The following SYT14 variants were observed in gnomAD, a reference collection of about 807,000 sequenced individuals.
SYT14 encodes synaptotagmin 14.
In SYT14, 32 loss-of-function variants were observed where a neutral mutation model predicts 74.2. That is an observed-to-expected ratio of 0.43 (90% CI 0.33 to 0.58). The LOEUF (loss-of-function observed/expected upper bound fraction) is 0.58, where lower values mean the gene tolerates loss of function less well. Ranked by LOEUF, SYT14 falls within the 20% of genes least tolerant of loss-of-function variation. The pLI is 0.05. For missense variants in SYT14, 791 were observed against 981.8 expected (o/e 0.81, Z 2.60); for synonymous variants, 298 against 337.7 (o/e 0.88, Z 1.29).
chr1:209,974,402 A>AG (rs1457514618), intron 2 of SYT14, among the ~76,000 whole-genome samples: 1 of 152,204 alleles, frequency 6.6e-6, no homozygotes, highest in African/African-American at 2.4e-5. Flanking sequence ...GGTGTAAGGA[A>AG]GGGATCCAGT....
chr1:210,029,246 C>T (rs1414417393), intron 5 of SYT14, among the ~76,000 whole-genome samples: 1 of 150,462 alleles, frequency 6.6e-6, no homozygotes, highest in Non-Finnish European at 1.5e-5. Context: ...TTGATAGTAT[C>T]TTTTGATAGA....
chr1:210,069,659 A>G (rs754786092), intron 5 of SYT14, among the ~76,000 whole-genome samples: 1 of 151,792 alleles, frequency 6.6e-6, no homozygotes, highest in Non-Finnish European at 1.5e-5. Context: ...TTAATATTCA[A>G]CCTTTATTCT....
At chr1:210,014,442 G>A (rs1274298915) in intron 3 of SYT14, among the ~76,000 whole-genome samples, 2 of 146,488 alleles carry the variant, frequency 1.4e-5, no homozygotes, top group African/African-American at 5.0e-5. Flanking sequence ...ATTACTACAA[G>A]AGTTTTAAAA....
At chr1:209,986,107 G>A (rs763666177) in intron 2 of SYT14, among the ~76,000 whole-genome samples, 1 of 152,200 alleles carries the variant, frequency 6.6e-6, no homozygotes, top group East Asian at 1.9e-4. Flanking sequence ...GGAAGTGGTT[G>A]CTCCGCAGCC....
At position 209,985,949 on chromosome 1, in the gene SYT14, G is replaced by T. The variant is rs113868160; in HGVS notation, c.-485-27684G>T. Among the ~76,000 whole-genome samples, 861 of 152,260 alleles carry T rather than the reference G, an allele frequency of 5.7e-3. 6 individuals are homozygous for T. Among genetic ancestry groups the T allele is most frequent in the African/African-American group, 0.02 (825 of 41,558 alleles). On this transcript the variant is annotated intron_variant, in intron 2 of 9. Transcript: ENST00000637265. ...TTCCCAAGGCTGTGCAGGGCAGCAGGACCCTAGGCCTGGCCCACAAAACCA... is the reference window on the plus strand; with the variant it reads ...TTCCCAAGGCTGTGCAGGGCAGCAGTACCCTAGGCCTGGCCCACAAAACCA...
At chr1:210,169,101 C>T (rs912107576) in exon 10 of SYT14, 1 of 151,858 alleles carries the variant, frequency 6.6e-6, no homozygotes, top group African/African-American at 2.4e-5. Flanking sequence ...CTTTTAAAAA[C>T]CTGGTTTTTA....
intron 1 of SYT14, among the ~76,000 whole-genome samples, chr1:209,944,251 G>T (rs2078785085): frequency 6.6e-6 from 1 of 152,162 alleles, no homozygotes. Flanking sequence ...AGAATTTTTT[G>T]TGAGCACATA....
intron 1 of SYT14, among the ~76,000 whole-genome samples, chr1:209,948,625 A>G (rs934067553): frequency 2.0e-5 from 3 of 152,210 alleles, no homozygotes; most frequent in Non-Finnish European, 2.9e-5. Flanking sequence ...CAATTTCGTA[A>G]CTTTCATAAA....
At chr1:210,141,092 C>T (rs936728330) in intron 7 of SYT14, among the ~76,000 whole-genome samples, 6 of 150,326 alleles carry the variant, frequency 4.0e-5, no homozygotes, top group Admixed American at 1.3e-4. Context: ...TGATAGGGAT[C>T]GCATCAAATC....
rs17015600 is a variant in SYT14 at position 210,117,000 on chromosome 1, C to T, written c.2034+16539C>T. ...GCATCTCAGGGTATTTAAATAGGAA[C>T]ACATCAGGAGTTGTTTTATTTTTAA... On this transcript the variant is annotated intron_variant, in intron 7 of 9. Coordinates refer to ENST00000637265, the Ensembl canonical transcript of SYT14. Among the ~76,000 whole-genome samples, 1,276 of 152,148 alleles carry T rather than the reference C, an allele frequency of 8.4e-3. 22 individuals carry two copies. Among genetic ancestry groups the T allele is most frequent in the African/African-American group, 0.029 (1,216 of 41,490 alleles).
At chr1:210,057,856 C>T (rs1006911342) in intron 5 of SYT14, among the ~76,000 whole-genome samples, 1 of 152,170 alleles carries the variant, frequency 6.6e-6, no homozygotes, top group Non-Finnish European at 1.5e-5. Context: ...AATACTCCTT[C>T]CATATGCAGA....
chr1:210,029,444 T>C (rs1279892720), intron 5 of SYT14, among the ~76,000 whole-genome samples: 5 of 152,156 alleles, frequency 3.3e-5, no homozygotes, highest in Admixed American at 3.3e-4. Context: ...AATTTTTATA[T>C]ACGATATTCG....
intron 5 of SYT14, among the ~76,000 whole-genome samples, chr1:210,066,918 C>T (rs748866125): frequency 2.8e-4 from 43 of 152,052 alleles, no homozygotes; most frequent in Admixed American, 5.9e-4. Context: ...AAAAATTTTT[C>T]ATTTTCTTCC....
chr1:209,984,540 C>T (rs1232387073), intron 2 of SYT14, among the ~76,000 whole-genome samples: 5 of 152,098 alleles, frequency 3.3e-5, no homozygotes, highest in South Asian at 2.1e-4. Flanking sequence ...TTTTTTAGTA[C>T]ACTGTATTCT....
intron 7 of SYT14, among the ~76,000 whole-genome samples, chr1:210,115,345 G>A (rs2082338017): frequency 6.6e-6 from 1 of 150,856 alleles, no homozygotes; most frequent in Non-Finnish European, 1.5e-5. Context: ...TAGAGACACA[G>A]AGAGAAGGGT....
exon 10 of SYT14, chr1:210,162,153 ATTCCTTATGAAGT>A (rs1226832752): frequency 2.3e-6 from 1 of 439,012 alleles, no homozygotes; most frequent in South Asian, 1.6e-5. Context: ...CAGTTATGAG[ATTCCTTATGAAGT>A]TTCTAGTAAC....
intron 7 of SYT14, among the ~76,000 whole-genome samples, chr1:210,121,919 A>T (rs1040264173): frequency 6.6e-6 from 1 of 152,146 alleles, no homozygotes; most frequent in Admixed American, 6.5e-5. Flanking sequence ...TATTACATTG[A>T]TACATATCAA....
At chr1:210,154,790 TTCA>T (rs2102709788) in intron 7 of SYT14, among the ~76,000 whole-genome samples, 1 of 152,350 alleles carries the variant, frequency 6.6e-6, no homozygotes, top group African/African-American at 2.4e-5. Flanking sequence ...ATGAATAATT[TTCA>T]TCATTTGAAA....
rs945419946 is a variant in SYT14 at position 209,978,100 on chromosome 1, A to T, written c.-486+25344A>T. 3.3e-5 allele frequency among the ~76,000 whole-genome samples: 5 copies of T among 151,902 alleles called. No homozygotes were observed. The East Asian group carries it at 9.6e-4, about 29-fold the overall frequency. On this transcript the variant is annotated intron_variant, in intron 2 of 9. Coordinates refer to ENST00000637265, the Ensembl canonical transcript of SYT14. ...TTTGCATGGGTTATTCTAGTTCACC[A>T]TTCGTATAATTTTTTTTCAAGGTTT...
Sources: gnomAD v4.1 joint callset for allele counts (sites outside exome capture counted in the v4.1 genomes callset) on GRCh38, gnomAD v4.1.1 for gene constraint, MANE v1.5 for transcripts, NCBI Gene and HGNC (gene_info 2026-07-23, HGNC 2026-07-21) for gene names.